The following KLHL18 variants were observed in gnomAD, a reference collection of about 807,000 sequenced individuals.
The protein encoded by KLHL18 is kelch-like protein 18.
KLHL18 carries 38 observed loss-of-function variants against 58.5 expected under a neutral mutation model. That is an observed-to-expected ratio of 0.65 (90% confidence interval 0.50 to 0.85). The LOEUF (loss-of-function observed/expected upper bound fraction) is 0.85. Ranked by LOEUF, KLHL18 falls within the 40% of genes least tolerant of loss-of-function variation. The pLI is 0.00. For missense variants in KLHL18, 624 were observed against 778.4 expected, an observed-to-expected ratio of 0.80 and a Z score of 2.36; for synonymous variants, 303 against 301.9, an observed-to-expected ratio of 1.00 and a Z score of -0.04.
intron 1 of KLHL18, among the ~76,000 whole-genome samples, chr3:47,306,378 A>G (rs1258104845): frequency 2.0e-5 from 3 of 152,244 alleles, no homozygotes; most frequent in East Asian, 3.9e-4. Flanking sequence ...GCATAATGCA[A>G]ATATCATTGT....
intron 1 of KLHL18, among the ~76,000 whole-genome samples, chr3:47,308,279 C>T (rs1191371959): frequency 6.6e-6 from 1 of 151,670 alleles, no homozygotes; most frequent in Non-Finnish European, 1.5e-5. Flanking sequence ...TTAGGGGGTA[C>T]ACGTGCAAGT....
rs753894234 is a variant in KLHL18 at position 47,336,642 on chromosome 3, G to A, written c.1006G>A (p.Gly336Arg). The A allele has an allele frequency of 9.3e-6, 15 of 1,614,220 alleles. No individual in the cohort carries two copies. Among genetic ancestry groups the A allele is most frequent in the South Asian group, 8.8e-5 (8 of 91,088 alleles). The stretch of plus-strand genomic sequence containing the variant: ...CCGCGTTGGCGTGGCTGTGGTGAAC[G>A]GGCTTCTCTATGCCATCGGAGGATA... ...RSRVGVAVVN[G>R]LLYAIGGYDG... Residue 336 changes from glycine to arginine, a missense_variant, in exon 7 of 10, where the codon GGG (glycine) becomes AGG (arginine). Coordinates refer to ENST00000232766, the MANE Select transcript of KLHL18 (RefSeq NM_025010.5).
chr3:47,298,398 G>A (rs1702943884), intron 1 of KLHL18, among the ~76,000 whole-genome samples: 1 of 150,882 alleles, frequency 6.6e-6, no homozygotes, highest in Non-Finnish European at 1.5e-5. Context: ...TTAGGGTTTG[G>A]ATCTGACTTG....
chr3:47,319,544 AG>A, intron 1 of KLHL18, 108 bp from the exon 2 acceptor site: 3 of 1,185,680 alleles, frequency 2.5e-6, no homozygotes, highest in Non-Finnish European at 2.4e-6. Flanking sequence ...TGCAGTGGGC[AG>A]TGGGGTATGC....
At chr3:47,312,100 A>C (rs562387317) in intron 1 of KLHL18, among the ~76,000 whole-genome samples, 5 of 152,306 alleles carry the variant, frequency 3.3e-5, no homozygotes, top group Non-Finnish European at 5.9e-5. Flanking sequence ...GATTGCCCCA[A>C]ATTTGCTTCG....
intron 1 of KLHL18, among the ~76,000 whole-genome samples, chr3:47,283,741 C>T (rs896665031): frequency 6.6e-6 from 1 of 152,194 alleles, no homozygotes; most frequent in Non-Finnish European, 1.5e-5. Flanking sequence ...GATATCTTAA[C>T]CACCTGTTCC....
At chr3:47,342,405 G>A (rs978412039) in intron 8 of KLHL18, among the ~76,000 whole-genome samples, 3 of 152,244 alleles carry the variant, frequency 2.0e-5, no homozygotes, top group African/African-American at 7.2e-5. Flanking sequence ...AGCTTTATAA[G>A]TACAGCAGCT....
chr3:47,309,314 A>C (rs959862954), intron 1 of KLHL18, among the ~76,000 whole-genome samples: 4 of 151,748 alleles, frequency 2.6e-5, no homozygotes, highest in African/African-American at 9.7e-5. Flanking sequence ...GCGGCCGGGC[A>C]GAGGGGCTCC....
chr3:47,299,426 G>T (rs1262983634), intron 1 of KLHL18, among the ~76,000 whole-genome samples: 3 of 151,994 alleles, frequency 2.0e-5, no homozygotes, highest in Non-Finnish European at 2.9e-5. Flanking sequence ...TAGACTTTCA[G>T]TAAAGTTGAT....
chr3:47,315,260 C>T (rs1277836419), intron 1 of KLHL18, among the ~76,000 whole-genome samples: 1 of 152,020 alleles, frequency 6.6e-6, no homozygotes, highest in Non-Finnish European at 1.5e-5. Context: ...GAATTGGAGA[C>T]ACCAAATACT....
At chr3:47,325,773 C>CTT (rs1293020257) in intron 3 of KLHL18, among the ~76,000 whole-genome samples, 5 of 140,756 alleles carry the variant, frequency 3.6e-5, no homozygotes, top group South Asian at 2.2e-4. Flanking sequence ...TATTTTCTTG[C>CTT]TTTTTTTTTT....
intron 9 of KLHL18, 64 bp from the exon 10 acceptor site, chr3:47,343,491 G>T: frequency 6.3e-7 from 1 of 1,582,568 alleles, no homozygotes; most frequent in South Asian, 1.1e-5. Context: ...GCCCTGCACG[G>T]TCACTCCATG....
intron 1 of KLHL18, among the ~76,000 whole-genome samples, chr3:47,305,922 G>A (rs1703138113): frequency 6.6e-6 from 1 of 151,960 alleles, no homozygotes; most frequent in African/African-American, 2.4e-5. Flanking sequence ...TATGATTGCG[G>A]GGTCTGTAGT....
chr3:47,331,425 C>CTTT (rs71098479), intron 4 of KLHL18, among the ~76,000 whole-genome samples: 147 of 58,516 alleles, frequency 2.5e-3, no homozygotes, highest in Middle Eastern at 0.018. Context: ...CATGCCAGGC[C>CTTT]TTTTTTTTTT....
In KLHL18 at chr3:47,344,183, A is replaced by C; in HGVS notation, c.*242A>C. ...TCCTCTGGATCCTGCAGCTGGTGAC[A>C]TGGAACTGTTTTCTGGTCCACATGA... On this transcript the variant is annotated 3_prime_UTR_variant, in exon 10 of 10. Coordinates refer to ENST00000232766, the MANE Select transcript of KLHL18 (RefSeq NM_025010.5). 1.8e-6 allele frequency: 1 copy of C among 552,392 alleles called. No homozygotes were observed. The highest frequency in any genetic ancestry group is 2.5e-5 in the South Asian group (1 of 40,516). 34.2% of individuals were successfully genotyped at this position (552,392 alleles called of 1,614,324 possible). A position where few individuals can be genotyped will look rare whatever the true frequency, so the allele number is the denominator to read the frequency against.
At chr3:47,301,332 T>C (rs1183701521) in intron 1 of KLHL18, among the ~76,000 whole-genome samples, 1 of 152,184 alleles carries the variant, frequency 6.6e-6, no homozygotes, top group African/African-American at 2.4e-5. Context: ...TATATTTTAT[T>C]CTAAAAGTTT....
chr3:47,313,687 A>G (rs1043068150), intron 1 of KLHL18, among the ~76,000 whole-genome samples: 2 of 152,164 alleles, frequency 1.3e-5, no homozygotes, highest in African/African-American at 4.8e-5. Flanking sequence ...ATTTAATTCT[A>G]TGTAGTTTTA....
intron 1 of KLHL18, among the ~76,000 whole-genome samples, chr3:47,301,652 G>T (rs1204957432): frequency 6.6e-6 from 1 of 152,154 alleles, no homozygotes; most frequent in East Asian, 1.9e-4. Flanking sequence ...CAATGTGGGG[G>T]TTGGAATGTT....
At chr3:47,319,869 G>T in intron 2 of KLHL18, 86 bp downstream of exon 2, 7 of 1,385,690 alleles carry the variant, frequency 5.1e-6, no homozygotes, top group Non-Finnish European at 7.1e-6. Flanking sequence ...ACCTGCAGCA[G>T]GACACAGTGT....
Sources: allele counts gnomAD v4.1 joint callset (sites outside exome capture counted in the v4.1 genomes callset), GRCh38; gene constraint gnomAD v4.1.1; transcripts MANE v1.5; gene names NCBI Gene and HGNC (gene_info 2026-07-23, HGNC 2026-07-21).